The following DENND1B variants were observed in gnomAD, a reference collection of about 807,000 sequenced individuals.
DENND1B encodes DENN domain-containing protein 1B.
Under a neutral mutation model 90.1 loss-of-function variants are expected in DENND1B, and 59 were observed. The ratio of observed to expected loss-of-function variants is 0.65; its 90% CI spans 0.53 to 0.81. The LOEUF (loss-of-function observed/expected upper bound fraction) is 0.81, where lower values mean the gene tolerates loss of function less well. DENND1B is among the 40% of genes least tolerant of loss of function. The probability of loss-of-function intolerance (pLI) is 0.00; values close to 1 mark genes in which losing one functional copy is unlikely to be tolerated. For synonymous variants in DENND1B, 337 were observed against 324.6 expected, an observed-to-expected ratio of 1.04 and a Z score of -0.41; for missense variants, 862 against 912.6, an observed-to-expected ratio of 0.94 and a Z score of 0.71.
intron 21 of DENND1B, among the ~76,000 whole-genome samples, chr1:197,512,328 G>A (rs1215075789): frequency 6.6e-6 from 1 of 151,576 alleles, no homozygotes; most frequent in Non-Finnish European, 1.5e-5. Flanking sequence ...AGAGGAGAAT[G>A]CATATTCCTT....
intron 2 of DENND1B, among the ~76,000 whole-genome samples, chr1:197,726,379 A>T (rs1270536154): frequency 1.3e-5 from 2 of 152,198 alleles, no homozygotes; most frequent in Non-Finnish European, 2.9e-5. Context: ...GCTGTGAAGG[A>T]TCACATGACA....
At chr1:197,730,468 C>T (rs1368269534) in intron 2 of DENND1B, among the ~76,000 whole-genome samples, 1 of 151,996 alleles carries the variant, frequency 6.6e-6, no homozygotes, top group African/African-American at 2.4e-5. Context: ...ACAAAATCAC[C>T]TAATTTTTAA....
chr1:197,554,100 T>TACACAC (rs4026509), intron 15 of DENND1B, among the ~76,000 whole-genome samples: 141 of 140,076 alleles, frequency 1.0e-3, no homozygotes, highest in Middle Eastern at 3.6e-3. Flanking sequence ...TCAATGATTA[T>TACACAC]ACACACACAC....
chr1:197,735,360 TTTGGCAA>T, intron 2 of DENND1B: 1 of 1,338,224 alleles, frequency 7.5e-7, no homozygotes, highest in South Asian at 1.6e-5. Context: ...CACCTTGGCT[TTTGGCAA>T]TTAAACTAAA....
At chr1:197,609,527 C>T (rs1308123503) in intron 12 of DENND1B, among the ~76,000 whole-genome samples, 3 of 150,586 alleles carry the variant, frequency 2.0e-5, no homozygotes, top group East Asian at 2.0e-4. Flanking sequence ...ATGTCTTTAG[C>T]CTTTATTTTA....
intron 2 of DENND1B, among the ~76,000 whole-genome samples, chr1:197,770,840 AT>A: frequency 1.0e-5 from 1 of 96,972 alleles, no homozygotes; most frequent in Non-Finnish European, 2.4e-5. Flanking sequence ...ATCTATAAAT[AT>A]ATATAAATAT....
rs973606610 is a variant in DENND1B, at chr1:197,706,987, G to C, written c.126+8044C>G. Among the ~76,000 whole-genome samples, 3 of 151,962 alleles carry C rather than the reference G, an allele frequency of 2.0e-5. No individual in the cohort carries two copies. The East Asian group carries it at 5.8e-4, about 29-fold the overall frequency. On this transcript the variant is annotated intron_variant, in intron 3 of 22. Transcript: ENST00000620048. Reference sequence around the variant, plus strand: ...GAGATACATGTTTATTGCAACACAAGAGCCAAGATATGGAATCAACCTAAG... The same window carrying C: ...GAGATACATGTTTATTGCAACACAACAGCCAAGATATGGAATCAACCTAAG...
At position 197,626,113 on chromosome 1, in the gene DENND1B, C is replaced by T. The variant is rs543322518; in HGVS notation, c.673-8354G>A. On this transcript the variant is annotated intron_variant, in intron 10 of 22. Coordinates refer to ENST00000620048, the MANE Select transcript of DENND1B (RefSeq NM_001195215.2). ...CCACTGTCAACATTAGACAGATCAACGAGACAGAAAGTCAACAAGGATACC... is the reference window on the plus strand; with the variant it reads ...CCACTGTCAACATTAGACAGATCAATGAGACAGAAAGTCAACAAGGATACC... Among the ~76,000 whole-genome samples, 30 of 152,036 alleles carry T rather than the reference C, an allele frequency of 2.0e-4. 1 individual carries two copies. In the South Asian group the frequency reaches 5.4e-3, roughly 27 times the overall value.
intron 2 of DENND1B, among the ~76,000 whole-genome samples, chr1:197,740,261 T>G (rs543409948): frequency 6.6e-6 from 1 of 152,136 alleles, no homozygotes; most frequent in Non-Finnish European, 1.5e-5. Context: ...GTTCCAGGGA[T>G]AGCAAGAAGC....
At chr1:197,662,399 C>T (rs1654495199) in intron 5 of DENND1B, among the ~76,000 whole-genome samples, 1 of 151,910 alleles carries the variant, frequency 6.6e-6, no homozygotes, top group Admixed American at 6.6e-5. Flanking sequence ...TACACTAATG[C>T]TTTGATACAT....
At chr1:197,558,441 G>A (rs192241817) in intron 15 of DENND1B, among the ~76,000 whole-genome samples, 1 of 151,816 alleles carries the variant, frequency 6.6e-6, no homozygotes, top group Admixed American at 6.6e-5. Context: ...TTTATGACAT[G>A]ATCTTTTTGC....
At chr1:197,718,774 T>TTATATATTTATAAAAAATA (rs1660883344) in intron 2 of DENND1B, among the ~76,000 whole-genome samples, 1 of 151,988 alleles carries the variant, frequency 6.6e-6, no homozygotes, top group African/African-American at 2.4e-5. Flanking sequence ...CATGACATCT[T>TTATATATTTATAAAAAATA]GAAGGTTAAA....
At chr1:197,573,258 C>A (rs2125740657) in intron 15 of DENND1B, among the ~76,000 whole-genome samples, 1 of 152,052 alleles carries the variant, frequency 6.6e-6, no homozygotes, top group East Asian at 1.9e-4. Context: ...ATCTTTCCTG[C>A]TTTCTCTTGT....
At chr1:197,610,027 C>T (rs1281635795) in intron 12 of DENND1B, among the ~76,000 whole-genome samples, 1 of 150,730 alleles carries the variant, frequency 6.6e-6, no homozygotes, top group African/African-American at 2.4e-5. Context: ...TTTACATCAT[C>T]TTGTAATAGA....
chr1:197,672,177 G>A (rs1655579745), intron 4 of DENND1B, 21 bp from the exon 5 acceptor site: 1 of 1,580,328 alleles, frequency 6.3e-7, no homozygotes, highest in South Asian at 1.2e-5. Flanking sequence ...GTAACATTAG[G>A]AAACATTGTG....
At chr1:197,578,762 G>T (rs1409656413) in intron 15 of DENND1B, among the ~76,000 whole-genome samples, 1 of 151,828 alleles carries the variant, frequency 6.6e-6, no homozygotes. Flanking sequence ...AGTAAACTAG[G>T]AGAACACTGT....
At chr1:197,663,919 C>T (rs1450618207) in intron 5 of DENND1B, among the ~76,000 whole-genome samples, 1 of 151,806 alleles carries the variant, frequency 6.6e-6, no homozygotes, top group African/African-American at 2.4e-5. Flanking sequence ...CCAGTAATTC[C>T]AATTTTAACT....
intron 20 of DENND1B, among the ~76,000 whole-genome samples, chr1:197,521,188 A>G (rs774563209): frequency 6.6e-6 from 1 of 151,966 alleles, no homozygotes; most frequent in African/African-American, 2.4e-5. Flanking sequence ...ATCTCAAGAA[A>G]TAAGTTTAGT....
chr1:197,631,603 C>T (rs571741221), intron 10 of DENND1B, among the ~76,000 whole-genome samples: 16 of 151,716 alleles, frequency 1.1e-4, no homozygotes, highest in African/African-American at 3.9e-4. Flanking sequence ...TAAAACTGAT[C>T]GCAAACCACC....
Sources: allele counts gnomAD v4.1 joint callset (sites outside exome capture counted in the v4.1 genomes callset), GRCh38; gene constraint gnomAD v4.1.1; transcripts MANE v1.5; gene names NCBI Gene and HGNC (gene_info 2026-07-23, HGNC 2026-07-21).